Variants in DCDC1 observed in about 807,000 individuals in gnomAD.
DCDC1 encodes doublecortin domain-containing protein 1.
A neutral mutation model predicts 178.3 loss-of-function variants in DCDC1; 200 were observed. The ratio of observed to expected loss-of-function variants is 1.12; its 90% CI spans 1.00 to 1.26. The LOEUF is 1.26. Ranked by LOEUF, DCDC1 falls within the 50% of genes most tolerant of loss-of-function variation. DCDC1 has a pLI of 0.00. For missense variants in DCDC1, 1,983 were observed against 1,749.2 expected, an observed-to-expected ratio of 1.13 and a Z score of -2.38; for synonymous variants, 690 against 604.8, an observed-to-expected ratio of 1.14 and a Z score of -2.07.
chr11:31,130,834 A>G (rs146679729), intron 10 of DCDC1, among the ~76,000 whole-genome samples: 16 of 152,310 alleles, frequency 1.1e-4, no homozygotes, highest in Non-Finnish European at 2.1e-4. Flanking sequence ...CAGAGACAAT[A>G]CAGGGAGGTC....
At chr11:30,925,618 C>T (rs1946541804) in intron 22 of DCDC1, among the ~76,000 whole-genome samples, 1 of 152,142 alleles carries the variant, frequency 6.6e-6, no homozygotes, top group Non-Finnish European at 1.5e-5. Flanking sequence ...TTTAACCTGT[C>T]TAAGGCTAGA....
At chr11:30,894,506 A>G in intron 34 of DCDC1, 122 bp from the exon 35 acceptor site, 1 of 1,348,170 alleles carries the variant, frequency 7.4e-7, no homozygotes, top group Non-Finnish European at 9.9e-7. Context: ...AATACTAAAT[A>G]TATCATAAAA....
intron 20 of DCDC1, among the ~76,000 whole-genome samples, chr11:31,062,902 C>G (rs889075175): frequency 2.0e-5 from 3 of 149,270 alleles, no homozygotes; most frequent in African/African-American, 7.4e-5. Context: ...CCCATTAACT[C>G]GTCATTTAGC....
intron 9 of DCDC1, among the ~76,000 whole-genome samples, chr11:31,147,931 T>C (rs1371244374): frequency 6.6e-6 from 1 of 152,152 alleles, no homozygotes; most frequent in African/African-American, 2.4e-5. Flanking sequence ...GTGGCTCCCT[T>C]CATGACTATC....
At chr11:31,284,650 T>A (rs1946687450) in intron 7 of DCDC1, among the ~76,000 whole-genome samples, 2 of 152,054 alleles carry the variant, frequency 1.3e-5, no homozygotes, top group African/African-American at 4.8e-5. Context: ...TATGTCTTTT[T>A]TTTTTTTAAA....
In DCDC1 at chr11:30,945,703, T is replaced by C. The variant is rs565489901; in HGVS notation, c.2715+6742A>G. Among the ~76,000 whole-genome samples, 400 of 86,992 alleles carry C rather than the reference T, an allele frequency of 4.6e-3. 1 individual carries two copies. The highest frequency in any genetic ancestry group is 0.014 in the African/African-American group (378 of 26,474). The allele number at this position is 86,992 out of a possible 152,430, so 57.1% of individuals were successfully genotyped here. On this transcript the variant is annotated intron_variant, in intron 21 of 38. Coordinates refer to ENST00000684477, the MANE Select transcript of DCDC1 (RefSeq NM_001387274.1). ...AGCAAAACTCCATCTCAAAAATCTA[T>C]CTATCTATCTATCTATCTATCTATC... is the stretch of plus-strand genomic sequence containing the variant.
intron 20 of DCDC1, among the ~76,000 whole-genome samples, chr11:31,039,548 G>A (rs1048888229): frequency 5.9e-5 from 9 of 151,936 alleles, no homozygotes; most frequent in East Asian, 5.8e-4. Context: ...TGAAGTCCTC[G>A]CCAACAACAT....
chr11:31,041,703 T>C (rs1565212098), intron 20 of DCDC1, among the ~76,000 whole-genome samples: 2 of 152,310 alleles, frequency 1.3e-5, no homozygotes, highest in Admixed American at 6.5e-5. Context: ...ATACCTCATA[T>C]GGCAGAAGGG....
At chr11:30,912,603 T>C (rs1170293037) in intron 27 of DCDC1, among the ~76,000 whole-genome samples, 3 of 152,240 alleles carry the variant, frequency 2.0e-5, no homozygotes, top group Non-Finnish European at 2.9e-5. Flanking sequence ...TATTCTGTTA[T>C]AAGTAACAGA....
rs112921806 is a variant in DCDC1, at chr11:30,900,315, G to A, written c.4663+31C>T. ...TATTTCTCTCTCCCTTCATATACTTGCTTGAAAGAAAGCAAAAACAAAAAA... is the reference window on the plus strand; with the variant it reads ...TATTTCTCTCTCCCTTCATATACTTACTTGAAAGAAAGCAAAAACAAAAAA... On this transcript the variant is annotated intron_variant, in intron 33 of 38. Transcript: ENST00000684477. 1.3e-5 allele frequency: 19 copies of A among 1,482,578 alleles called. No homozygotes were observed. In the African/African-American group the frequency reaches 1.8e-4, roughly 14 times the overall value. 91.8% of individuals were successfully genotyped at this position (1,482,578 alleles called of 1,614,324 possible).
At chr11:31,174,467 C>A (rs1300899363) in intron 9 of DCDC1, among the ~76,000 whole-genome samples, 2 of 152,152 alleles carry the variant, frequency 1.3e-5, no homozygotes, top group Non-Finnish European at 2.9e-5. Flanking sequence ...CCGGCAGGCA[C>A]CCCTCAGCAT....
chr11:31,306,254 ACT>A lies in DCDC1; in HGVS notation c.567_568del (p.Arg189SerfsTer38). The stretch of plus-strand genomic sequence containing the variant: ...TACCAAGGTGATGGTTGGTACAGTA[ACT>A]CTGGCAAAGACTGTTCTAGATCCAT... On this transcript the variant is annotated frameshift_variant, in exon 5 of 39. Coordinates refer to ENST00000684477, the MANE Select transcript of DCDC1 (RefSeq NM_001387274.1). LOFTEE classifies it high-confidence loss of function. The A allele has an allele frequency of 6.3e-7, 1 of 1,589,234 alleles. No individual in the cohort carries two copies. The highest frequency in any genetic ancestry group is 8.6e-7 in the Non-Finnish European group (1 of 1,167,854).
rs192812227 is a variant in DCDC1, at chr11:30,986,543, G to A, written c.2592-33975C>T. ...AGACGGGGTTTCACCATGTTGGTCA[G>A]GATGGTCTCCATCTCGTGACCTTGT... On this transcript the variant is annotated intron_variant, in intron 20 of 38. Transcript: ENST00000684477. Among the ~76,000 whole-genome samples, 30 of 152,136 alleles carry A rather than the reference G, an allele frequency of 2.0e-4. No individual in the cohort carries two copies. In the East Asian group the frequency reaches 4.1e-3, roughly 21 times the overall value.
At chr11:31,213,384 T>G (rs555099021) in intron 9 of DCDC1, among the ~76,000 whole-genome samples, 42 of 151,886 alleles carry the variant, frequency 2.8e-4, no homozygotes, top group African/African-American at 8.9e-4. Flanking sequence ...ACATCTAAAG[T>G]AGGAGTATTA....
At position 31,290,829 on chromosome 11, in the gene DCDC1, C is replaced by T; in HGVS notation, c.778G>A (p.Val260Ile). Reference protein sequence around the residue: ...IKDHLLLIKKVTWTMNGLMLP... With the variant: ...IKDHLLLIKKITWTMNGLMLP... The stretch of plus-strand genomic sequence containing the variant: ...ATCAACCCATTCATTGTCCAAGTTA[C>T]TTTCTTAATTAACAACAGATGGTCT... The change falls in exon 7 of 39, where the codon GTA becomes ATA. Residue 260 changes from valine (V) to isoleucine (I), a missense_variant. By Grantham distance (29) the Val-to-Ile change is conservative. Transcript: ENST00000684477. 1 of 1,612,102 alleles carries T rather than the reference C, an allele frequency of 6.2e-7. No individual in the cohort carries two copies. The highest frequency in any genetic ancestry group is 8.5e-7 in the Non-Finnish European group (1 of 1,179,122).
chr11:30,949,856 G>T (rs569531587), intron 21 of DCDC1, among the ~76,000 whole-genome samples: 6 of 151,986 alleles, frequency 3.9e-5, no homozygotes, highest in South Asian at 2.1e-4. Context: ...GGCCTGTCGG[G>T]GGGTGGGGGC....
intron 9 of DCDC1, among the ~76,000 whole-genome samples, chr11:31,230,161 G>A (rs1351207487): frequency 6.6e-6 from 1 of 151,898 alleles, no homozygotes; most frequent in African/African-American, 2.4e-5. Context: ...CAAAGTTGCA[G>A]GATACAAAAT....
chr11:31,213,480 G>C (rs914260915), intron 9 of DCDC1, among the ~76,000 whole-genome samples: 8 of 151,950 alleles, frequency 5.3e-5, no homozygotes, highest in South Asian at 2.1e-4. Flanking sequence ...CCAGCACTTT[G>C]GGAGGCCGAG....
Position 30,864,033 on chromosome 11 carries a change from A to C in DCDC1, c.*1340T>G, listed in dbSNP as rs566969050. 3.9e-5 allele frequency: 6 copies of C among 152,372 alleles called. No individual in the cohort carries two copies. The East Asian group carries it at 1.2e-3, about 29-fold the overall frequency. 9.4% of individuals were successfully genotyped at this position (152,372 alleles called of 1,614,324 possible). On this transcript the variant is annotated 3_prime_UTR_variant, in exon 39 of 39. Coordinates refer to ENST00000684477, the MANE Select transcript of DCDC1 (RefSeq NM_001387274.1). ...TCCCAGCTACTCAGGAGGCTGAGAC[A>C]GGAGAATTGCTTGAACCTGGGAAGG...
Sources: gnomAD v4.1 joint callset for allele counts (sites outside exome capture counted in the v4.1 genomes callset) on GRCh38, gnomAD v4.1.1 for gene constraint, MANE v1.5 for transcripts, NCBI Gene and HGNC (gene_info 2026-07-23, HGNC 2026-07-21) for gene names.